Variants in ETV3L observed in about 807,000 individuals in gnomAD.
ETV3L encodes ETS translocation variant 3-like protein.
A neutral mutation model predicts 27.6 loss-of-function variants in ETV3L; 30 were observed. The ratio of observed to expected loss-of-function variants is 1.09; its 90% CI spans 0.81 to 1.48. ETV3L has a LOEUF of 1.48. Among genes scored for constraint, ETV3L ranks in the 40% most tolerant of loss-of-function variants. ETV3L has a pLI of 0.00. For synonymous variants in ETV3L, 186 were observed against 188.9 expected, an observed-to-expected ratio of 0.98 and a Z score of 0.12; for missense variants, 443 against 455.6, an observed-to-expected ratio of 0.97 and a Z score of 0.25.
intron 4 of ETV3L, 106 bp downstream of exon 4, chr1:157,097,762 A>T: frequency 7.3e-7 from 1 of 1,369,822 alleles, no homozygotes; most frequent in Non-Finnish European, 1.0e-6. Flanking sequence ...TGAATGAGTT[A>T]CATAGTATCC....
intron 4 of ETV3L, among the ~76,000 whole-genome samples, chr1:157,094,806 G>C (rs1034689570): frequency 6.6e-6 from 1 of 150,970 alleles, no homozygotes; most frequent in Non-Finnish European, 1.5e-5. Flanking sequence ...CCAGCTACTT[G>C]AGAGGCTGAG....
At chr1:157,095,516 T>G (rs1468663732) in intron 4 of ETV3L, among the ~76,000 whole-genome samples, 1 of 150,458 alleles carries the variant, frequency 6.6e-6, no homozygotes, top group East Asian at 1.9e-4. Flanking sequence ...AAGTGGGGCT[T>G]GGGAGGGAAC....
chr1:157,099,450 C>A lies in ETV3L; in HGVS notation c.58+16G>T. ...CCACCGTTGGAGCAGGGGGTAGGCC[C>A]GGCCAAGAGGCTCACCTGAGATCCA... is the stretch of plus-strand genomic sequence containing the variant. On this transcript the variant is annotated intron_variant, in intron 1 of 4. Transcript: ENST00000454449. The A allele has an allele frequency of 6.2e-7, 1 of 1,613,918 alleles. No individual in the cohort carries two copies. Among genetic ancestry groups the A allele is most frequent in the Non-Finnish European group, 8.5e-7 (1 of 1,179,934 alleles).
chr1:157,099,440 G>T (rs759146244), intron 1 of ETV3L, 26 bp downstream of exon 1: 2 of 1,614,058 alleles, frequency 1.2e-6, no homozygotes, highest in South Asian at 1.1e-5. Flanking sequence ...GTTGGAGCAG[G>T]GGGTAGGCCC....
Position 157,099,769 on chromosome 1 carries a change from CCCT to C in ETV3L, c.-249_-247del. On this transcript the variant is annotated 5_prime_UTR_variant, in exon 1 of 5. Transcript: ENST00000454449. Reference sequence around the variant, plus strand: ...CCCCATACCCAGACAGGGCCCAGCCCCCTCTGGGGACCTCCCCGCTGCCCAGGG... The same window carrying C: ...CCCCATACCCAGACAGGGCCCAGCCCCTGGGGACCTCCCCGCTGCCCAGGG... 1.7e-6 allele frequency: 1 copy of C among 586,218 alleles called. No homozygotes were observed. The highest frequency in any genetic ancestry group is 2.8e-5 in the East Asian group (1 of 35,272). The allele number at this position is 586,218 out of a possible 1,614,324, so 36.3% of individuals were successfully genotyped here.
intron 4 of ETV3L, 103 bp downstream of exon 4, chr1:157,097,765 T>C (rs1674261374): frequency 1.4e-6 from 2 of 1,389,690 alleles, no homozygotes; most frequent in South Asian, 2.5e-5. Context: ...ATGAGTTACA[T>C]AGTATCCCTT....
intron 4 of ETV3L, among the ~76,000 whole-genome samples, chr1:157,094,288 G>A (rs1258744618): frequency 6.6e-6 from 1 of 152,230 alleles, no homozygotes; most frequent in African/African-American, 2.4e-5. Context: ...CCTGCAGAGT[G>A]CATGACGGGA....
Position 157,099,603 on chromosome 1 carries a change from G to T in ETV3L, c.-80C>A. On this transcript the variant is annotated 5_prime_UTR_variant, in exon 1 of 5. In the 5' UTR this introduces an upstream ATG that the reference lacks. Coordinates refer to ENST00000454449, the MANE Select transcript of ETV3L (RefSeq NM_001004341.2). The stretch of plus-strand genomic sequence containing the variant: ...TAAGAGGAAGGGAAGGAAGGAGGCA[G>T]AGGGGAGGACAGTGAAAGAGGAAGG... 1 of 1,227,092 alleles carries T rather than the reference G, an allele frequency of 8.1e-7. No individual in the cohort carries two copies. The highest frequency in any genetic ancestry group is 1.2e-6 in the Non-Finnish European group (1 of 852,740). The allele number at this position is 1,227,092 out of a possible 1,614,324, so 76.0% of individuals were successfully genotyped here.
At chr1:157,093,179 C>A (rs1237164223) in intron 4 of ETV3L, 52 bp from the exon 5 acceptor site, 15 of 1,228,274 alleles carry the variant, frequency 1.2e-5, no homozygotes, top group Non-Finnish European at 1.4e-5. Context: ...CTCGCAGATG[C>A]TCCTTGCTCC....
In ETV3L at chr1:157,097,999, A is replaced by G. The variant is rs574941341; in HGVS notation, c.487-11T>C. On this transcript the variant is annotated splice_polypyrimidine_tract_variant and intron_variant, in intron 3 of 4. Transcript: ENST00000454449. ...CATGCTGTGCAGGAGCTGAGGGGTGAGAAGTAGGTGCGAGGTGTGATGGGC... is the reference window on the plus strand; with the variant it reads ...CATGCTGTGCAGGAGCTGAGGGGTGGGAAGTAGGTGCGAGGTGTGATGGGC... 6.3e-6 allele frequency: 10 copies of G among 1,595,580 alleles called. No homozygotes were observed. The highest frequency in any genetic ancestry group is 8.5e-6 in the Non-Finnish European group (10 of 1,170,314).
intron 4 of ETV3L, among the ~76,000 whole-genome samples, chr1:157,095,439 G>A (rs935130591): frequency 2.6e-5 from 4 of 152,148 alleles, no homozygotes; most frequent in African/African-American, 9.7e-5. Context: ...ATCCCTTAGG[G>A]CCAAAGCATA....
At chr1:157,093,505 T>C (rs1674164375) in intron 4 of ETV3L, among the ~76,000 whole-genome samples, 1 of 152,008 alleles carries the variant, frequency 6.6e-6, no homozygotes, top group African/African-American at 2.4e-5. Context: ...TTTTCTTTTT[T>C]TTTTTAAACA....
rs372502667 is a variant in ETV3L at position 157,092,604 on chromosome 1, T to C, written c.*45A>G. 6.7e-7 allele frequency: 1 copy of C among 1,493,592 alleles called. No individual in the cohort carries two copies. Among genetic ancestry groups the C allele is most frequent in the Non-Finnish European group, 9.1e-7 (1 of 1,099,238 alleles). The allele number at this position is 1,493,592 out of a possible 1,614,324, so 92.5% of individuals were successfully genotyped here. A position where few individuals can be genotyped will look rare whatever the true frequency, so the allele number is the denominator to read the frequency against. On this transcript the variant is annotated 3_prime_UTR_variant, in exon 5 of 5. Transcript: ENST00000454449. ...CAGAGGCGGTGGGCAAGAGGAGAGA[T>C]GGACTTTGGAGGACTCCTCCCCAAC...
chr1:157,096,077 T>C (rs1335627367), intron 4 of ETV3L, among the ~76,000 whole-genome samples: 5 of 152,132 alleles, frequency 3.3e-5, no homozygotes, highest in Non-Finnish European at 7.4e-5. Flanking sequence ...CCAGGGCCAT[T>C]GCATGCACTA....
Position 157,097,997 on chromosome 1 carries a change from T to C in ETV3L, c.487-9A>G, listed in dbSNP as rs1182438128. 6.3e-7 allele frequency: 1 copy of C among 1,596,742 alleles called. No homozygotes were observed. The highest frequency in any genetic ancestry group is 1.3e-5 in the African/African-American group (1 of 74,294). ...AGCATGCTGTGCAGGAGCTGAGGGG[T>C]GAGAAGTAGGTGCGAGGTGTGATGG... On this transcript the variant is annotated splice_polypyrimidine_tract_variant and intron_variant, in intron 3 of 4. Coordinates refer to ENST00000454449, the MANE Select transcript of ETV3L (RefSeq NM_001004341.2).
chr1:157,099,269 A>G lies in ETV3L; in HGVS notation c.168T>C (p.His56=). The G allele has an allele frequency of 6.2e-7, 1 of 1,614,020 alleles. No individual in the cohort carries two copies. The highest frequency in any genetic ancestry group is 8.5e-7 in the Non-Finnish European group (1 of 1,180,004). Residue 56 remains histidine (H), a synonymous_variant, in exon 2 of 5, where the codon CAT becomes CAC. Transcript: ENST00000454449. ...ACTCTCCCTGCTGCCAGGCGATGAC[A>G]TGGCGGAACTCTTCCTTCTGCAGCA... ...LELLQKEEFR[H]VIAWQQGEYG...
chr1:157,098,792 C>G lies in ETV3L; in HGVS notation c.400G>C (p.Val134Leu). ...AAGTGGGGGGATGGCGGCGCCCGCA[C>G]TTCCCACAAAGGATAGTTGACTACG... ...LIVVNYPLWE[V>L]RAPPSPHLLL... The change falls in exon 3 of 5, where the codon GTG (valine) becomes CTG (leucine). Residue 134 changes from valine to leucine, a missense_variant. Transcript: ENST00000454449. 6.2e-7 allele frequency: 1 copy of G among 1,614,148 alleles called. No homozygotes were observed. Among genetic ancestry groups the G allele is most frequent in the Admixed American group, 1.7e-5 (1 of 60,014 alleles).
rs1181165626 is a variant in ETV3L at position 157,098,863 on chromosome 1, G to T, written c.329C>A (p.Thr110Asn). 1.2e-6 allele frequency: 2 copies of T among 1,613,750 alleles called. No individual in the cohort carries two copies. The highest frequency in any genetic ancestry group is 8.5e-7 in the Non-Finnish European group (1 of 1,179,888). ...YYYNKRILHK[T>N]KGKRFTYKFN... Reference sequence around the variant, plus strand: ...CTTGTATGTGAACCTTTTGCCTTTGGTCTTATGCAGGATCCTCTTATTGTA... The same window carrying T: ...CTTGTATGTGAACCTTTTGCCTTTGTTCTTATGCAGGATCCTCTTATTGTA... Residue 110 changes from threonine (T) to asparagine (N), a missense_variant, in exon 3 of 5, where the codon ACC becomes AAC. Coordinates refer to ENST00000454449, the MANE Select transcript of ETV3L (RefSeq NM_001004341.2).
At chr1:157,093,739 T>C (rs1247481885) in intron 4 of ETV3L, among the ~76,000 whole-genome samples, 9 of 152,178 alleles carry the variant, frequency 5.9e-5, no homozygotes, top group Admixed American at 5.9e-4. Context: ...GTGATCCACC[T>C]GCCTTGGCGT....
Sources: allele counts gnomAD v4.1 joint callset (sites outside exome capture counted in the v4.1 genomes callset), GRCh38; gene constraint gnomAD v4.1.1; transcripts MANE v1.5; gene names NCBI Gene and HGNC (gene_info 2026-07-23, HGNC 2026-07-21).